The following BICRAL variants were observed in gnomAD, a reference collection of about 807,000 sequenced individuals.
BICRAL encodes BRD4-interacting chromatin-remodeling complex-associated protein-like.
BICRAL carries 8 observed loss-of-function variants against 91.8 expected under a neutral mutation model. The observed-to-expected ratio is 0.09, with a 90% CI of 0.05 to 0.16. The LOEUF (loss-of-function observed/expected upper bound fraction) is 0.16. Ranked by LOEUF, BICRAL falls within the 10% of genes least tolerant of loss-of-function variation. BICRAL has a pLI of 1.00. For missense variants in BICRAL, 1,038 were observed against 1,310.9 expected (o/e 0.79, Z 3.21); for synonymous variants, 445 against 491.1 (o/e 0.91, Z 1.24).
At chr6:42,861,558 G>T (rs377019759) in intron 11 of BICRAL, among the ~76,000 whole-genome samples, 1 of 152,174 alleles carries the variant, frequency 6.6e-6, no homozygotes, top group East Asian at 1.9e-4. Context: ...CTATCAATTG[G>T]TCTCTTATAA....
At chr6:42,825,911 A>G (rs1764286222) in intron 5 of BICRAL, among the ~76,000 whole-genome samples, 1 of 151,834 alleles carries the variant, frequency 6.6e-6, no homozygotes, top group African/African-American at 2.4e-5. Flanking sequence ...GCAAAACCCT[A>G]TCTCTACTAA....
At chr6:42,809,961 A>AT (rs1223525847) in intron 1 of BICRAL, among the ~76,000 whole-genome samples, 2 of 151,836 alleles carry the variant, frequency 1.3e-5, no homozygotes, top group Non-Finnish European at 2.9e-5. Flanking sequence ...TGAGTTCTGT[A>AT]TTTTTAGTAG....
At chr6:42,857,958 A>G (rs1765436833) in intron 10 of BICRAL, among the ~76,000 whole-genome samples, 1 of 150,064 alleles carries the variant, frequency 6.7e-6, no homozygotes. Flanking sequence ...ATAGGCGCCC[A>G]CCACCACGGC....
chr6:42,812,166 A>T (rs1041404988), intron 2 of BICRAL, among the ~76,000 whole-genome samples: 1 of 152,054 alleles, frequency 6.6e-6, no homozygotes, highest in African/African-American at 2.4e-5. Flanking sequence ...AGAATTAATC[A>T]TTTTTTTTGT....
chr6:42,801,635 A>G (rs1309141703), intron 1 of BICRAL, among the ~76,000 whole-genome samples: 2 of 152,080 alleles, frequency 1.3e-5, no homozygotes, highest in African/African-American at 4.8e-5. Flanking sequence ...TAATCCCAGC[A>G]CTTTGGGAAG....
chr6:42,836,942 ATTTCT>A (rs1420008966), intron 6 of BICRAL, among the ~76,000 whole-genome samples: 3 of 135,982 alleles, frequency 2.2e-5, no homozygotes, highest in African/African-American at 8.3e-5. Flanking sequence ...TCTATGTAAT[ATTTCT>A]TTTCTTTTTT....
chr6:42,864,586 C>T, intron 12 of BICRAL, 73 bp from the exon 13 acceptor site: 1 of 1,248,860 alleles, frequency 8.0e-7, no homozygotes, highest in Non-Finnish European at 1.1e-6. Flanking sequence ...CAGCACCTGA[C>T]CCACTGAAGT....
intron 1 of BICRAL, among the ~76,000 whole-genome samples, chr6:42,787,487 G>T: frequency 6.6e-6 from 1 of 151,988 alleles, no homozygotes; most frequent in Non-Finnish European, 1.5e-5. Flanking sequence ...AGCCCTGCGA[G>T]ACTGGAGTAA....
At chr6:42,835,861 G>A (rs1308517538) in intron 6 of BICRAL, among the ~76,000 whole-genome samples, 2 of 152,204 alleles carry the variant, frequency 1.3e-5, no homozygotes, top group African/African-American at 4.8e-5. Flanking sequence ...GTCCGGGAAC[G>A]TCAAGGCTGC....
chr6:42,760,722 C>G (rs1762531052), intron 1 of BICRAL, among the ~76,000 whole-genome samples: 1 of 152,056 alleles, frequency 6.6e-6, no homozygotes, highest in Admixed American at 6.6e-5. Flanking sequence ...AAATTACTTT[C>G]TTGTCAAAAG....
rs1489324289 is a variant in BICRAL at position 42,825,254 on chromosome 6, T to G, written c.159+2251T>G. On this transcript the variant is annotated intron_variant, in intron 5 of 12. Transcript: ENST00000314073. ...CAGCCTGGGCGACAGTGCAAGACTC[T>G]GTCTCAAAAAAAAAAAAAAAAAAAA... 3.9e-3 allele frequency among the ~76,000 whole-genome samples: 384 copies of G among 97,982 alleles called. No individual in the cohort carries two copies. In the Middle Eastern group the frequency reaches 0.059, roughly 15 times the overall value. 64.3% of individuals were successfully genotyped at this position (97,982 alleles called of 152,430 possible). A position where few individuals can be genotyped will look rare whatever the true frequency, so the allele number is the denominator to read the frequency against.
rs1198830057 is a variant in BICRAL, at chr6:42,748,136, A to C, written c.-261+1113A>C. Among the ~76,000 whole-genome samples, 4 of 139,210 alleles carry C rather than the reference A, an allele frequency of 2.9e-5. No individual in the cohort carries two copies. The East Asian group carries it at 8.2e-4, about 28-fold the overall frequency. 91.3% of individuals were successfully genotyped at this position (139,210 alleles called of 152,430 possible). A position where few individuals can be genotyped will look rare whatever the true frequency, so the allele number is the denominator to read the frequency against. On this transcript the variant is annotated intron_variant, in intron 1 of 14. Coordinates refer to the BICRAL transcript ENST00000614467. ...TTTTTTTTTTTTTTTCCAGAAAAGC[A>C]GGTTTATTTCACAAAACTGTGGGTC...
At chr6:42,803,015 T>A (rs187885984) in intron 1 of BICRAL, among the ~76,000 whole-genome samples, 65 of 152,322 alleles carry the variant, frequency 4.3e-4, no homozygotes, top group Middle Eastern at 3.4e-3. Context: ...ATTGTAGAGT[T>A]GTCTTTTCTT....
chr6:42,857,614 A>AAAAAAATATATATATATAT, intron 10 of BICRAL, among the ~76,000 whole-genome samples: 13 of 96,214 alleles, frequency 1.4e-4, no homozygotes, highest in African/African-American at 6.5e-4. Context: ...AAAAAAAAAA[A>AAAAAAATATATATATATAT]ATATATATAT....
At chr6:42,857,057 C>G in intron 9 of BICRAL, 34 bp from the exon 10 acceptor site, 2 of 1,569,910 alleles carry the variant, frequency 1.3e-6, no homozygotes, top group Admixed American at 1.8e-5. Flanking sequence ...CCTAACATGA[C>G]TTTACATTGA....
chr6:42,814,519 AT>A (rs70990145), intron 2 of BICRAL, among the ~76,000 whole-genome samples: 1,683 of 79,806 alleles, frequency 0.021, 57 homozygotes, highest in African/African-American at 0.087. Flanking sequence ...ATATATATAT[AT>A]TTTTTTTTTT....
rs751928731 is a variant in BICRAL at position 42,853,595 on chromosome 6, T to G, written c.1946-43T>G. The G allele has an allele frequency of 2.8e-6, 4 of 1,428,914 alleles. 1 individual carries two copies. In the South Asian group the frequency reaches 4.6e-5, roughly 16 times the overall value. 88.5% of individuals were successfully genotyped at this position (1,428,914 alleles called of 1,614,324 possible). A position where few individuals can be genotyped will look rare whatever the true frequency, so the allele number is the denominator to read the frequency against. ...CTAGGGTTATATGATGGACCCAATT[T>G]ACTGTTTCTTTTGAACACTGTCTCA... On this transcript the variant is annotated intron_variant, in intron 7 of 12. Transcript: ENST00000314073.
At chr6:42,764,570 A>G (rs1762605796) in intron 1 of BICRAL, among the ~76,000 whole-genome samples, 1 of 151,952 alleles carries the variant, frequency 6.6e-6, no homozygotes, top group Non-Finnish European at 1.5e-5. Context: ...TGTTGCATAT[A>G]TAGATTTATA....
chr6:42,751,532 A>C (rs1324358891), intron 1 of BICRAL, among the ~76,000 whole-genome samples: 1 of 152,154 alleles, frequency 6.6e-6, no homozygotes, highest in African/African-American at 2.4e-5. Flanking sequence ...AACAGTCTTT[A>C]GGTATGGTAA....
Sources: allele counts gnomAD v4.1 joint callset (sites outside exome capture counted in the v4.1 genomes callset), GRCh38; gene constraint gnomAD v4.1.1; transcripts MANE v1.5; gene names NCBI Gene and HGNC (gene_info 2026-07-23, HGNC 2026-07-21).